DNAH1: variants seen among roughly 807,000 people sequenced by gnomAD.
DNAH1 encodes dynein axonemal heavy chain 1.
A neutral mutation model predicts 484.3 loss-of-function variants in DNAH1; 327 were observed. The ratio of observed to expected loss-of-function variants is 0.68; its 90% CI spans 0.62 to 0.74. DNAH1 has a LOEUF of 0.74. Among genes scored for constraint, DNAH1 ranks in the 30% least tolerant of loss-of-function variants. DNAH1 has a pLI of 0.00. For missense variants in DNAH1, 5,052 were observed against 5,546.8 expected, an observed-to-expected ratio of 0.91 and a Z score of 2.83; for synonymous variants, 2,192 against 2,191.9, an observed-to-expected ratio of 1.00 and a Z score of 0.00.
At chr3:52,331,996 C>T (rs1701571180) in intron 7 of DNAH1, 146 bp from the exon 8 acceptor site, 11 of 1,054,508 alleles carry the variant, frequency 1.0e-5, no homozygotes, top group Admixed American at 4.9e-5. Context: ...TCGTCATGCC[C>T]ATTTCACAGA....
rs1416020438 is a variant in DNAH1 at position 52,388,499 on chromosome 3, G to A, written c.9253G>A (p.Glu3085Lys). 6.2e-7 allele frequency: 1 copy of A among 1,612,784 alleles called. No homozygotes were observed. The highest frequency in any genetic ancestry group is 2.2e-5 in the East Asian group (1 of 44,828). ...GGCAAAACAGCGCCTTCGTGAGGTG[G>A]AGGACGGCATCGCCACAATGCAGGC... ...DEAKQRLREV[E>K]DGIATMQAKY... Residue 3085 changes from glutamate to lysine, a missense_variant, in exon 58 of 78, where the codon GAG becomes AAG. Around this residue, in one of 4 missense-constraint regions of DNAH1, gnomAD observed 2,929 missense variants for 3,409.4 expected, o/e 0.86. Transcript: ENST00000420323.
chr3:52,339,912 C>T (rs1253207556), intron 8 of DNAH1, among the ~76,000 whole-genome samples: 1 of 151,838 alleles, frequency 6.6e-6, no homozygotes, highest in Non-Finnish European at 1.5e-5. Context: ...TTCACTTTTG[C>T]TTCTTTTCCC....
chr3:52,346,357 A>G (rs2153223774), intron 10 of DNAH1, 115 bp from the exon 11 acceptor site: 1 of 1,112,934 alleles, frequency 9.0e-7, no homozygotes, highest in Non-Finnish European at 1.3e-6. Context: ...ACATCCCTCC[A>G]CAGTCAGATG....
At chr3:52,324,991 C>T (rs1003839668) in intron 3 of DNAH1, among the ~76,000 whole-genome samples, 12 of 152,010 alleles carry the variant, frequency 7.9e-5, no homozygotes, top group Non-Finnish European at 1.6e-4. Context: ...TGGGTCTCTT[C>T]GCCCTGGCTC....
Position 52,361,677 on chromosome 3 carries a change from T to C in DNAH1, c.4891T>C (p.Cys1631Arg). Residue 1631 changes from cysteine (C) to arginine (R), a missense_variant, in exon 30 of 78, where the codon TGC becomes CGC. Physicochemically the swap from Cys to Arg is radical, Grantham distance 180. This residue lies in a region of DNAH1 where 2,929 missense variants were observed against 3,409.4 expected (regional missense o/e 0.86). Coordinates refer to ENST00000420323, the MANE Select transcript of DNAH1 (RefSeq NM_015512.5). The surrounding 1 kb of genome is among the most constrained non-coding windows in gnomAD (Gnocchi z 5.6). The part of the protein sequence containing the change: ...KGLASAGAWA[C>R]FDEFNRIDIE... ...CTCACTCAGTGCTGGGGCCTGGGCC[T>C]GCTTCGACGAGTTCAATCGCATCGA... 6.2e-7 allele frequency: 1 copy of C among 1,607,838 alleles called. No individual in the cohort carries two copies. The highest frequency in any genetic ancestry group is 8.5e-7 in the Non-Finnish European group (1 of 1,177,340).
intron 3 of DNAH1, among the ~76,000 whole-genome samples, chr3:52,325,178 G>C (rs1335265386): frequency 6.6e-6 from 1 of 152,188 alleles, no homozygotes. Flanking sequence ...CCAGCTAATG[G>C]TGGAGGCTCC....
chr3:52,355,092 C>A lies in DNAH1; in HGVS notation c.3693+37C>A, dbSNP rs571308156. On this transcript the variant is annotated intron_variant, in intron 21 of 77. Coordinates refer to ENST00000420323, the MANE Select transcript of DNAH1 (RefSeq NM_015512.5). The surrounding 1 kb of genome is among the most constrained non-coding windows in gnomAD (Gnocchi z 4.5). ...CCCCAGTCCTTCCCTCATCGCTCCC[C>A]CACTTCAGAGAGCCCGACCCACAGG... is the stretch of plus-strand genomic sequence containing the variant. 8 of 1,598,148 alleles carry A rather than the reference C, an allele frequency of 5.0e-6. No homozygotes were observed. The Admixed American group carries it at 1.2e-4, about 23-fold the overall frequency.
rs1246463660 is a variant in DNAH1, at chr3:52,355,317, T to C, written c.3693+262T>C. ...GCAGCATTTGGGTCCCAAAATGTGG[T>C]TGAGGATAGGCCTGAGAACTGCCAG... On this transcript the variant is annotated intron_variant, in intron 21 of 77. Coordinates refer to ENST00000420323, the MANE Select transcript of DNAH1 (RefSeq NM_015512.5). This position sits in a 1 kb window ranked among gnomAD's most constrained non-coding sequence, Gnocchi z 4.5. 1.3e-5 allele frequency among the ~76,000 whole-genome samples: 2 copies of C among 152,168 alleles called. No homozygotes were observed. The highest frequency in any genetic ancestry group is 2.9e-5 in the Non-Finnish European group (2 of 68,012).
At chr3:52,343,333 G>A (rs1702017922) in intron 8 of DNAH1, among the ~76,000 whole-genome samples, 2 of 152,174 alleles carry the variant, frequency 1.3e-5, no homozygotes, top group East Asian at 1.9e-4. Flanking sequence ...AGACTGAGGT[G>A]GCTGAGCTTG....
chr3:52,365,294 C>T (rs939097412), intron 34 of DNAH1, among the ~76,000 whole-genome samples: 1 of 152,174 alleles, frequency 6.6e-6, no homozygotes, highest in Non-Finnish European at 1.5e-5. Context: ...TCCTCTTGGG[C>T]CTTGCCTCAT....
intron 28 of DNAH1, among the ~76,000 whole-genome samples, chr3:52,360,746 T>C (rs1390732725): frequency 6.6e-6 from 1 of 152,216 alleles, no homozygotes; most frequent in Admixed American, 6.5e-5. Context: ...TGCACTTTCC[T>C]GTTTTTATCC....
At position 52,353,475 on chromosome 3, in the gene DNAH1, A is replaced by T. The variant is rs1172685801; in HGVS notation, c.3322A>T (p.Ile1108Phe). Residue 1108 changes from isoleucine (I) to phenylalanine (F), a missense_variant, in exon 20 of 78, where the codon ATC becomes TTC. By Grantham distance (21) the Ile-to-Phe change is conservative (BLOSUM62 0). Transcript: ENST00000420323. This position sits in a 1 kb window ranked among gnomAD's most constrained non-coding sequence, Gnocchi z 5.0. Reference sequence around the variant, plus strand: ...GGGGCTGCGCAACCCTGGCATGCGGATCCGGCACTGGGAGACACTGTCCAA... The same window carrying T: ...GGGGCTGCGCAACCCTGGCATGCGGTTCCGGCACTGGGAGACACTGTCCAA... ...IQGLRNPGMR[I>F]RHWETLSNQI... 4 of 1,613,904 alleles carry T rather than the reference A, an allele frequency of 2.5e-6. 1 individual carries two copies. The South Asian group carries it at 4.4e-5, about 18-fold the overall frequency.
At chr3:52,332,715 A>G (rs1701601360) in intron 8 of DNAH1, among the ~76,000 whole-genome samples, 2 of 152,264 alleles carry the variant, frequency 1.3e-5, no homozygotes, top group South Asian at 4.1e-4. Context: ...TCGCCTTACC[A>G]TGTTTCCATC....
chr3:52,398,227 G>C, intron 75 of DNAH1, 65 bp downstream of exon 75: 1 of 1,530,848 alleles, frequency 6.5e-7, no homozygotes, highest in Non-Finnish European at 8.8e-7. Context: ...AATGACAACA[G>C]GGGTTACTAT....
Position 52,356,772 on chromosome 3 carries a change from C to T in DNAH1, c.3852C>T (p.Asn1284=), listed in dbSNP as rs1394964151. The change falls in exon 22 of 78, where the codon AAC becomes AAT. Residue 1284 remains asparagine, a synonymous_variant. Transcript: ENST00000420323. ...AGATCATGAAGAATGCCTACGAGAA[C>T]CGGGAGGCAAGCTCAATGAGGGTGG... ...WKKIMKNAYE[N]REVINVCSDL... is the part of the protein sequence containing the mutation. The T allele has an allele frequency of 6.2e-7, 1 of 1,604,468 alleles. No homozygotes were observed. The highest frequency in any genetic ancestry group is 1.7e-5 in the Admixed American group (1 of 58,092).
intron 14 of DNAH1, 31 bp downstream of exon 14, chr3:52,349,451 C>A (rs751465815): frequency 1.3e-6 from 2 of 1,579,630 alleles, no homozygotes; most frequent in South Asian, 2.2e-5. Flanking sequence ...CCTCAGTGAC[C>A]ACAGCAGCAC....
rs867839493 is a variant in DNAH1 at position 52,384,767 on chromosome 3, C to T, written c.8323-19C>T. 6.3e-7 allele frequency: 1 copy of T among 1,580,232 alleles called. No individual in the cohort carries two copies. Among genetic ancestry groups the T allele is most frequent in the Non-Finnish European group, 8.6e-7 (1 of 1,162,496 alleles). On this transcript the variant is annotated intron_variant, in intron 52 of 77. Transcript: ENST00000420323. Reference sequence around the variant, plus strand: ...CTGGGGCCTCTACCAGGCCGGCATCCATGGTCTTCCTCCCCCAGATCCAGG... The same window carrying T: ...CTGGGGCCTCTACCAGGCCGGCATCTATGGTCTTCCTCCCCCAGATCCAGG...
At chr3:52,332,501 G>A in intron 8 of DNAH1, 107 bp downstream of exon 8, 1 of 1,481,342 alleles carries the variant, frequency 6.8e-7, no homozygotes. Context: ...GGGCTCATCT[G>A]TTTGAGACTG....
At position 52,331,229 on chromosome 3, in the gene DNAH1, T is replaced by G. The variant is rs370393988; in HGVS notation, c.953T>G (p.Leu318Arg). The G allele has an allele frequency of 2.7e-4, 427 of 1,611,014 alleles. No individual in the cohort carries two copies. Among genetic ancestry groups the G allele is most frequent in the Non-Finnish European group, 3.5e-4 (418 of 1,178,766 alleles). ...TACGACGAGGAGAAGAAGCTATACC[T>G]GGTACACAAGACAGACGAGAAAGGC... ...LDYDEEKKLY[L>R]VHKTDEKGLV... Residue 318 changes from leucine (L) to arginine (R), a missense_variant, in exon 7 of 78, where the codon CTG becomes CGG. Transcript: ENST00000420323.
Sources: allele counts gnomAD v4.1 joint callset (sites outside exome capture counted in the v4.1 genomes callset), GRCh38; gene constraint gnomAD v4.1.1; regional missense constraint gnomAD v4.1.1; non-coding constraint Gnocchi (gnomAD v3.1); transcripts MANE v1.5; gene names NCBI Gene and HGNC (gene_info 2026-07-23, HGNC 2026-07-21).